PCDHGB5: variants seen among roughly 807,000 people sequenced by gnomAD.
The protein encoded by PCDHGB5 is protocadherin gamma subfamily B, 5.
A neutral mutation model predicts 62.9 loss-of-function variants in PCDHGB5; 48 were observed. The observed-to-expected ratio is 0.76, with a 90% CI of 0.61 to 0.97. PCDHGB5 has a LOEUF of 0.97. Among genes scored for constraint, PCDHGB5 ranks in the 50% least tolerant of loss-of-function variants. The probability of loss-of-function intolerance (pLI) is 0.00; values close to 1 mark genes in which losing one functional copy is unlikely to be tolerated. For synonymous variants in PCDHGB5, 474 were observed against 511.2 expected (o/e 0.93, Z 0.98); for missense variants, 1,118 against 1,198.6 (o/e 0.93, Z 0.99).
chr5:141,413,431 G>C (rs963192857), intron 1 of PCDHGB5: 1 of 1,614,092 alleles, frequency 6.2e-7, no homozygotes, highest in Non-Finnish European at 8.5e-7. Flanking sequence ...CCCGCGCAGC[G>C]GCAGCTTGAT....
At position 141,487,382 on chromosome 5, in the gene PCDHGB5, T is replaced by A. The variant is rs755316738; in HGVS notation, c.2398-7425T>A. 6.2e-7 allele frequency: 1 copy of A among 1,614,172 alleles called. No individual in the cohort carries two copies. The highest frequency in any genetic ancestry group is 2.2e-5 in the East Asian group (1 of 44,854). On this transcript the variant is annotated intron_variant, in intron 1 of 3. Transcript: ENST00000617380. The surrounding 1 kb of genome is among the most constrained non-coding windows in gnomAD (Gnocchi z 5.0). ...TGGCACCTGTGCCTGTCTCACCAGA[T>A]CTCGAAGGAGGGAGGGGCTTCCCCC...
chr5:141,505,326 G>A, intron 2 of PCDHGB5, 67 bp from the exon 3 acceptor site: 2 of 1,607,648 alleles, frequency 1.2e-6, no homozygotes, highest in East Asian at 2.2e-5. Context: ...AGCCCTGGGA[G>A]AGGACAGGAG....
chr5:141,481,676 G>T (rs975849679), intron 1 of PCDHGB5, among the ~76,000 whole-genome samples: 1 of 152,028 alleles, frequency 6.6e-6, no homozygotes, highest in Non-Finnish European at 1.5e-5. Flanking sequence ...AAATCAGGCC[G>T]GGCCTGGTGG....
chr5:141,470,969 A>C (rs62379203), intron 1 of PCDHGB5, among the ~76,000 whole-genome samples: 16,337 of 151,332 alleles, frequency 0.11, 895 homozygotes, highest in South Asian at 0.15. Flanking sequence ...CTCCCACCTC[A>C]GCCTCCCAAA....
chr5:141,491,602 A>T lies in PCDHGB5; in HGVS notation c.2398-3205A>T. On this transcript the variant is annotated intron_variant, in intron 1 of 3. Transcript: ENST00000617380. The surrounding 1 kb of genome is among the most constrained non-coding windows in gnomAD (Gnocchi z 6.9). ...ACCGGCCTCGGACGGCAGTGACTTC[A>T]CTTTTCTAAGACCCCTCAGCGTTCA... is the stretch of plus-strand genomic sequence containing the variant. The T allele has an allele frequency of 6.2e-7, 1 of 1,613,838 alleles. No individual in the cohort carries two copies. Among genetic ancestry groups the T allele is most frequent in the Non-Finnish European group, 8.5e-7 (1 of 1,180,016 alleles).
chr5:141,413,372 G>T lies in PCDHGB5; in HGVS notation c.2397+12848G>T, dbSNP rs760934804. ...CTGGCGCCCCGGGAGCTGGCGGAGCGCGGAGTCCGCATAGTCTCCAGAGGT... is the reference window on the plus strand; with the variant it reads ...CTGGCGCCCCGGGAGCTGGCGGAGCTCGGAGTCCGCATAGTCTCCAGAGGT... On this transcript the variant is annotated intron_variant, in intron 1 of 3. Transcript: ENST00000617380. The T allele has an allele frequency of 1.9e-6, 3 of 1,613,950 alleles. No individual in the cohort carries two copies. The South Asian group carries it at 3.3e-5, about 18-fold the overall frequency.
In PCDHGB5 at chr5:141,413,998, G is replaced by A; in HGVS notation, c.2397+13474G>A. On this transcript the variant is annotated intron_variant, in intron 1 of 3. Transcript: ENST00000617380. The stretch of plus-strand genomic sequence containing the variant: ...GACAGTCACAGCCACCGACAGGGAC[G>A]AAGGTGCCAATGGAGAAGTGACATA... 1 of 1,613,320 alleles carries A rather than the reference G, an allele frequency of 6.2e-7. No individual in the cohort carries two copies. The highest frequency in any genetic ancestry group is 1.6e-4 in the Middle Eastern group (1 of 6,062).
At chr5:141,498,679 C>T (rs1454800332) in intron 2 of PCDHGB5, among the ~76,000 whole-genome samples, 1 of 152,170 alleles carries the variant, frequency 6.6e-6, no homozygotes, top group African/African-American at 2.4e-5. Flanking sequence ...CGCCTGTAAT[C>T]CCAGCACTTT....
At chr5:141,499,022 AAGG>A (rs2099788758) in intron 2 of PCDHGB5, among the ~76,000 whole-genome samples, 3 of 150,722 alleles carry the variant, frequency 2.0e-5, no homozygotes, top group Non-Finnish European at 3.0e-5. Context: ...GGAAGGAAGG[AAGG>A]AAGAAAAGAA....
rs186593502 is a variant in PCDHGB5 at position 141,429,415 on chromosome 5, A to G, written c.2397+28891A>G. Among the ~76,000 whole-genome samples, 582 of 151,976 alleles carry G rather than the reference A, an allele frequency of 3.8e-3. 6 individuals carry two copies. The highest frequency in any genetic ancestry group is 0.011 in the Admixed American group (171 of 15,260). ...AAAAAATTGAGATTAAGGTCTCATT[A>G]TGTTGCCCAGGCTGGACTCAAACTC... is the stretch of plus-strand genomic sequence containing the variant. On this transcript the variant is annotated intron_variant, in intron 1 of 3. Transcript: ENST00000617380.
rs1252377833 is a variant in PCDHGB5, at chr5:141,485,012, G to T, written c.2398-9795G>T. On this transcript the variant is annotated intron_variant, in intron 1 of 3. Coordinates refer to ENST00000617380, the MANE Select transcript of PCDHGB5 (RefSeq NM_018925.3). The surrounding 1 kb of genome is among the most constrained non-coding windows in gnomAD (Gnocchi z 5.7). Reference sequence around the variant, plus strand: ...GGTGAAAGGCAGACAAATCTACCCCGCCACCAGCAAAAACGGCGCGTAACC... The same window carrying T: ...GGTGAAAGGCAGACAAATCTACCCCTCCACCAGCAAAAACGGCGCGTAACC... The T allele has an allele frequency of 1.3e-5, 8 of 630,528 alleles. No individual in the cohort carries two copies. In the Admixed American group the frequency reaches 1.5e-4, roughly 12 times the overall value. 39.1% of individuals were successfully genotyped at this position (630,528 alleles called of 1,614,324 possible).
intron 1 of PCDHGB5, chr5:141,418,921 T>A (rs897705216): frequency 1.9e-6 from 3 of 1,613,928 alleles, no homozygotes; most frequent in Admixed American, 3.3e-5. Context: ...CACTCTCTGA[T>A]CAGATTATGG....
rs758181180 is a variant in PCDHGB5 at position 141,485,483 on chromosome 5, G to T, written c.2398-9324G>T. The T allele has an allele frequency of 1.9e-6, 3 of 1,614,106 alleles. No homozygotes were observed. The highest frequency in any genetic ancestry group is 2.5e-6 in the Non-Finnish European group (3 of 1,180,022). ...GTGTGGGCTCAGTGCCAGCTGCATC[G>T]TGCCCCTGGAGTTTGTCACCGAAGG... On this transcript the variant is annotated intron_variant, in intron 1 of 3. Coordinates refer to ENST00000617380, the MANE Select transcript of PCDHGB5 (RefSeq NM_018925.3). The surrounding 1 kb of genome is among the most constrained non-coding windows in gnomAD (Gnocchi z 5.7).
intron 1 of PCDHGB5, among the ~76,000 whole-genome samples, chr5:141,465,048 AT>A (rs905091014): frequency 4.0e-5 from 6 of 151,346 alleles, no homozygotes; most frequent in African/African-American, 9.7e-5. Context: ...GACCCTATAT[AT>A]TTTTTTGAAT....
In PCDHGB5 at chr5:141,432,139, T is replaced by A. The variant is rs950514553; in HGVS notation, c.2397+31615T>A. ...TCCCTCAGGCCTCCTATTCCGCTTA[T>A]ATCCCAGAGAACAATCCCAGAGGAG... is the stretch of plus-strand genomic sequence containing the variant. On this transcript the variant is annotated intron_variant, in intron 1 of 3. Transcript: ENST00000617380. The surrounding 1 kb of genome is among the most constrained non-coding windows in gnomAD (Gnocchi z 6.0). The A allele has an allele frequency of 6.8e-6, 11 of 1,613,976 alleles. No individual in the cohort carries two copies. Among genetic ancestry groups the A allele is most frequent in the Non-Finnish European group, 9.3e-6 (11 of 1,180,032 alleles).
rs376996144 is a variant in PCDHGB5, at chr5:141,491,534, G to C, written c.2398-3273G>C. 3.7e-6 allele frequency: 6 copies of C among 1,613,912 alleles called. No homozygotes were observed. The highest frequency in any genetic ancestry group is 1.3e-5 in the African/African-American group (1 of 74,928). ...CTCAAGTACATGGAGGTGACGCTGC[G>C]GCCCACAGACTCGCAGAGCCACTGC... On this transcript the variant is annotated intron_variant, in intron 1 of 3. Coordinates refer to ENST00000617380, the MANE Select transcript of PCDHGB5 (RefSeq NM_018925.3). This position sits in a 1 kb window ranked among gnomAD's most constrained non-coding sequence, Gnocchi z 6.9.
In PCDHGB5 at chr5:141,405,345, A is replaced by G. The variant is rs758657243; in HGVS notation, c.2397+4821A>G. 3 of 1,613,944 alleles carry G rather than the reference A, an allele frequency of 1.9e-6. No homozygotes were observed. In the South Asian group the frequency reaches 3.3e-5, roughly 18 times the overall value. On this transcript the variant is annotated intron_variant, in intron 1 of 3. Coordinates refer to ENST00000617380, the MANE Select transcript of PCDHGB5 (RefSeq NM_018925.3). ...CCTTTGTGCGTCTCTGTTGATTCCA[A>G]GTTTCCTATAGAAGACACCCCTTTG...
chr5:141,485,065 A>G lies in PCDHGB5; in HGVS notation c.2398-9742A>G, dbSNP rs527439590. On this transcript the variant is annotated intron_variant, in intron 1 of 3. Transcript: ENST00000617380. The surrounding 1 kb of genome is among the most constrained non-coding windows in gnomAD (Gnocchi z 5.7). ...TGCGGCGCCGGCCGAACCGCGCCAG[A>G]GCTGGCGCGGGGAAAGGGAGATAGG... The G allele has an allele frequency of 4.2e-5, 37 of 877,696 alleles. No individual in the cohort carries two copies. Among genetic ancestry groups the G allele is most frequent in the Non-Finnish European group, 6.5e-5 (36 of 552,826 alleles). The allele number at this position is 877,696 out of a possible 1,614,324, so 54.4% of individuals were successfully genotyped here. A position where few individuals can be genotyped will look rare whatever the true frequency, so the allele number is the denominator to read the frequency against.
chr5:141,475,486 T>G (rs576743657), intron 1 of PCDHGB5, among the ~76,000 whole-genome samples: 1 of 152,252 alleles, frequency 6.6e-6, no homozygotes, highest in Non-Finnish European at 1.5e-5. Flanking sequence ...TGGTAAGAGA[T>G]AAAACTGAAA....
Sources: gnomAD v4.1 joint callset for allele counts (sites outside exome capture counted in the v4.1 genomes callset) on GRCh38, gnomAD v4.1.1 for gene constraint, Gnocchi (gnomAD v3.1) non-coding constraint, MANE v1.5 for transcripts, NCBI Gene and HGNC (gene_info 2026-07-23, HGNC 2026-07-21) for gene names.